The following RGS20 variants were observed in gnomAD, a reference collection of about 807,000 sequenced individuals.
The protein encoded by RGS20 is regulator of G protein signaling 20, also known as gz-selective GTPase-activating protein.
Under a neutral mutation model 33.6 loss-of-function variants are expected in RGS20, and 30 were observed. The observed-to-expected ratio is 0.89, with a 90% CI of 0.67 to 1.21. The LOEUF (loss-of-function observed/expected upper bound fraction) is 1.21. RGS20 is among the 50% of genes most tolerant of loss of function. The pLI is 0.00. For synonymous variants in RGS20, 208 were observed against 197.9 expected, an observed-to-expected ratio of 1.05 and a Z score of -0.43; for missense variants, 472 against 502.4, an observed-to-expected ratio of 0.94 and a Z score of 0.58.
intron 5 of RGS20, among the ~76,000 whole-genome samples, chr8:53,956,145 C>T (rs1814858098): frequency 6.6e-6 from 1 of 152,178 alleles, no homozygotes; most frequent in South Asian, 2.1e-4. Context: ...TTTCCACAAA[C>T]ACAGCAGGAT....
At chr8:53,911,349 T>G (rs183517779) in intron 2 of RGS20, among the ~76,000 whole-genome samples, 6 of 152,162 alleles carry the variant, frequency 3.9e-5, no homozygotes, top group Non-Finnish European at 7.3e-5. Flanking sequence ...CTAAAGCCAA[T>G]TCTTTGGAAA....
chr8:53,947,943 A>G (rs975591701), intron 4 of RGS20, among the ~76,000 whole-genome samples: 10 of 135,690 alleles, frequency 7.4e-5, no homozygotes, highest in African/African-American at 2.1e-4. Flanking sequence ...TATATATATA[A>G]GATATAGTAT....
intron 2 of RGS20, among the ~76,000 whole-genome samples, chr8:53,930,927 G>A (rs1290461184): frequency 6.6e-6 from 1 of 152,110 alleles, no homozygotes; most frequent in Non-Finnish European, 1.5e-5. Context: ...CTTGTCCTGA[G>A]GCCTCAGTGC....
intron 5 of RGS20, among the ~76,000 whole-genome samples, chr8:53,956,518 C>G (rs1381280252): frequency 3.9e-5 from 6 of 152,140 alleles, no homozygotes; most frequent in Admixed American, 3.3e-4. Flanking sequence ...GAGGGCCTAG[C>G]TAGGCCAGCT....
intron 2 of RGS20, among the ~76,000 whole-genome samples, chr8:53,889,430 T>C (rs1189667631): frequency 0.013 from 1,491 of 117,044 alleles, 105 homozygotes; most frequent in East Asian, 0.086. Context: ...TTTTTTTTTT[T>C]TTTTTTTTTT....
At chr8:53,857,642 A>G (rs1811708249) in intron 1 of RGS20, among the ~76,000 whole-genome samples, 1 of 152,196 alleles carries the variant, frequency 6.6e-6, no homozygotes, top group Admixed American at 6.5e-5. Context: ...GAAAGTCCAA[A>G]ATGCAAAATG....
At chr8:53,858,726 C>A (rs1391983688) in intron 1 of RGS20, among the ~76,000 whole-genome samples, 2 of 151,812 alleles carry the variant, frequency 1.3e-5, no homozygotes, top group African/African-American at 4.8e-5. Flanking sequence ...AATTGAGACG[C>A]CCCCAAGCAA....
rs1482927312 is a variant in RGS20, at chr8:53,939,574, A to G, written c.511-2A>G. 1 of 1,552,036 alleles carries G rather than the reference A, an allele frequency of 6.4e-7. No individual in the cohort carries two copies. Reference sequence around the variant, plus strand: ...CCCGCTTTGTTCCTCTCCCTCTTGCAGCAGATGGGATCAGAGCGGATGGAG... The same window carrying G: ...CCCGCTTTGTTCCTCTCCCTCTTGCGGCAGATGGGATCAGAGCGGATGGAG... On this transcript the variant is annotated splice_acceptor_variant, in intron 2 of 5. Coordinates refer to ENST00000297313, the MANE Select transcript of RGS20 (RefSeq NM_170587.4). LOFTEE classifies it high-confidence loss of function.
In RGS20 at chr8:53,879,413, G is replaced by A. The variant is rs1445317606; in HGVS notation, c.321G>A (p.Leu107=). Reference sequence around the variant, plus strand: ...GGAGGCGCCTGGACTTCTCCCCCCTGCTTCCCGCCCTGCCGGCCGCCCGGC... The same window carrying A: ...GGAGGCGCCTGGACTTCTCCCCCCTACTTCCCGCCCTGCCGGCCGCCCGGC... Residue 107 remains leucine, a synonymous_variant, in exon 2 of 6, where the codon CTG becomes CTA. Coordinates refer to ENST00000297313, the MANE Select transcript of RGS20 (RefSeq NM_170587.4). 1 of 1,608,878 alleles carries A rather than the reference G, an allele frequency of 6.2e-7. No homozygotes were observed. Among genetic ancestry groups the A allele is most frequent in the Non-Finnish European group, 8.5e-7 (1 of 1,178,548 alleles).
intron 2 of RGS20, among the ~76,000 whole-genome samples, chr8:53,896,202 C>T (rs1812855750): frequency 6.6e-6 from 1 of 152,118 alleles, no homozygotes; most frequent in Admixed American, 6.5e-5. Flanking sequence ...TCACTTGAGC[C>T]CAGGAGGTTG....
intron 1 of RGS20, among the ~76,000 whole-genome samples, chr8:53,873,130 C>T (rs74775936): frequency 0.073 from 11,045 of 152,098 alleles, 880 homozygotes; most frequent in East Asian, 0.32. Context: ...CTCCTCTACT[C>T]TATTTATTGC....
At chr8:53,861,403 T>C (rs1209336119) in intron 1 of RGS20, among the ~76,000 whole-genome samples, 2 of 152,260 alleles carry the variant, frequency 1.3e-5, no homozygotes, top group African/African-American at 2.4e-5. Flanking sequence ...TGAATATTTT[T>C]ACCTGTAAGT....
chr8:53,884,134 A>T lies in RGS20; in HGVS notation c.510+4532A>T, dbSNP rs148305881. Among the ~76,000 whole-genome samples the T allele has an allele frequency of 1.3e-3, 193 of 152,024 alleles. 1 individual carries two copies. Among genetic ancestry groups the T allele is most frequent in the Non-Finnish European group, 2.9e-4 (20 of 67,984 alleles). ...AGTAACAGAATGCATATTTTTGTATACTATAAAGAGTATGCATAATGAAAC... is the reference window on the plus strand; with the variant it reads ...AGTAACAGAATGCATATTTTTGTATTCTATAAAGAGTATGCATAATGAAAC... On this transcript the variant is annotated intron_variant, in intron 2 of 5. Transcript: ENST00000297313.
At chr8:53,894,640 T>G (rs1325483179) in intron 2 of RGS20, among the ~76,000 whole-genome samples, 1 of 152,238 alleles carries the variant, frequency 6.6e-6, no homozygotes, top group Non-Finnish European at 1.5e-5. Flanking sequence ...GGCACAGTTC[T>G]GTGGGGTGAC....
At chr8:53,938,606 T>A (rs1814201009) in intron 2 of RGS20, among the ~76,000 whole-genome samples, 1 of 152,090 alleles carries the variant, frequency 6.6e-6, no homozygotes, top group South Asian at 2.1e-4. Context: ...TAGGTAATAA[T>A]CAATAGGAAC....
intron 5 of RGS20, among the ~76,000 whole-genome samples, chr8:53,957,557 G>A (rs1814903835): frequency 6.6e-6 from 1 of 152,216 alleles, no homozygotes; most frequent in Non-Finnish European, 1.5e-5. Flanking sequence ...GGGAAGCCTG[G>A]GCCTCCAGGT....
At chr8:53,919,372 TG>T (rs1462785229) in intron 2 of RGS20, among the ~76,000 whole-genome samples, 4 of 151,380 alleles carry the variant, frequency 2.6e-5, no homozygotes, top group African/African-American at 9.7e-5. Flanking sequence ...GAGACAGTCT[TG>T]CTCTGTCACC....
chr8:53,916,158 G>A (rs187439204), intron 2 of RGS20, among the ~76,000 whole-genome samples: 47 of 152,222 alleles, frequency 3.1e-4, no homozygotes, highest in Non-Finnish European at 1.0e-4. Flanking sequence ...AAGGAGCTGG[G>A]ACTACAGGCA....
intron 2 of RGS20, chr8:53,880,425 C>T (rs1218945521): frequency 1.3e-5 from 2 of 152,984 alleles, no homozygotes; most frequent in East Asian, 3.9e-4. Context: ...GGGGACAGAG[C>T]TCAGAGAGGC....
Sources: gnomAD v4.1 joint callset for allele counts (sites outside exome capture counted in the v4.1 genomes callset) on GRCh38, gnomAD v4.1.1 for gene constraint, MANE v1.5 for transcripts, NCBI Gene and HGNC (gene_info 2026-07-23, HGNC 2026-07-21) for gene names.